The following DAAM1 variants were observed in gnomAD, a reference collection of about 807,000 sequenced individuals.
The protein encoded by DAAM1 is dishevelled associated activator of morphogenesis 1, also known as disheveled-associated activator of morphogenesis 1.
In DAAM1, 52 loss-of-function variants were observed where a neutral mutation model predicts 130.0. The observed-to-expected ratio is 0.40, with a 90% CI of 0.32 to 0.50. The LOEUF (loss-of-function observed/expected upper bound fraction) is 0.50, where lower values mean the gene tolerates loss of function less well. DAAM1 is among the 20% of genes least tolerant of loss of function. The pLI, the probability that DAAM1 is intolerant of heterozygous loss-of-function variation, is 0.61. For missense variants in DAAM1, 1,134 were observed against 1,303.8 expected (o/e 0.87, Z 2.01); for synonymous variants, 452 against 444.5 (o/e 1.02, Z -0.21).
intron 2 of DAAM1, among the ~76,000 whole-genome samples, chr14:59,280,023 A>G (rs918506729): frequency 6.6e-6 from 1 of 152,188 alleles, no homozygotes; most frequent in Non-Finnish European, 1.5e-5. Flanking sequence ...ACGTAAACTA[A>G]AACTGCATTG....
intron 6 of DAAM1, 137 bp downstream of exon 6, chr14:59,323,362 TC>T (rs1392639218): frequency 4.2e-5 from 39 of 925,730 alleles, no homozygotes; most frequent in Non-Finnish European, 8.0e-6. Flanking sequence ...CTTTAAACAT[TC>T]CCTTCTTCTT....
intron 16 of DAAM1, among the ~76,000 whole-genome samples, chr14:59,341,123 G>T (rs73298082): frequency 0.11 from 16,506 of 152,172 alleles, 1,428 homozygotes; most frequent in African/African-American, 0.25. Context: ...TTCTTAGCCA[G>T]ATATGTATTA....
intron 3 of DAAM1, among the ~76,000 whole-genome samples, chr14:59,295,337 T>C (rs973061214): frequency 6.6e-6 from 1 of 152,244 alleles, no homozygotes; most frequent in South Asian, 2.1e-4. Context: ...CTGTCATGGC[T>C]GCAGCTCAGC....
chr14:59,197,408 C>G (rs997004335), intron 1 of DAAM1, among the ~76,000 whole-genome samples: 12 of 152,190 alleles, frequency 7.9e-5, no homozygotes, highest in Non-Finnish European at 1.6e-4. Context: ...GGAGGACATG[C>G]AATAAATAAA....
chr14:59,312,305 T>G (rs1884629804), intron 3 of DAAM1, among the ~76,000 whole-genome samples: 1 of 152,228 alleles, frequency 6.6e-6, no homozygotes, highest in Non-Finnish European at 1.5e-5. Context: ...GAGCGTGTTT[T>G]GTGTATACTC....
intron 14 of DAAM1, 133 bp downstream of exon 14, chr14:59,331,641 C>T: frequency 6.6e-7 from 1 of 1,504,450 alleles, no homozygotes; most frequent in Non-Finnish European, 8.9e-7. Flanking sequence ...CTCACTAGCT[C>T]AGATATTTAA....
At chr14:59,303,544 C>A (rs1165054968) in intron 3 of DAAM1, among the ~76,000 whole-genome samples, 1 of 152,080 alleles carries the variant, frequency 6.6e-6, no homozygotes, top group Non-Finnish European at 1.5e-5. Flanking sequence ...TAGCTCTGAA[C>A]AATTGGGGGT....
chr14:59,360,241 A>T (rs1886650547), intron 21 of DAAM1, among the ~76,000 whole-genome samples: 1 of 152,256 alleles, frequency 6.6e-6, no homozygotes, highest in Admixed American at 6.5e-5. Flanking sequence ...AGTGTTGTGT[A>T]TGGGAGAAGC....
At chr14:59,201,160 CAAAAAA>C (rs71111617) in intron 1 of DAAM1, among the ~76,000 whole-genome samples, 11,493 of 69,042 alleles carry the variant, frequency 0.17, 466 homozygotes, top group Middle Eastern at 0.25. Flanking sequence ...GACTCCGTCT[CAAAAAA>C]AAAAAAAAAA....
rs1356905665 is a variant in DAAM1 at position 59,324,418 on chromosome 14, A to G, written c.953A>G (p.Asp318Gly). 6.9e-6 allele frequency: 11 copies of G among 1,595,610 alleles called. No individual in the cohort carries two copies. The highest frequency in any genetic ancestry group is 9.4e-6 in the Non-Finnish European group (11 of 1,170,940). ...ATGTTAGGAATTCAACCTGTAATAG[A>G]TAAATTAAGGGAACACGAAAATTCA... ...FLMLGIQPVI[D>G]KLREHENSTL... The change falls in exon 8 of 25, where the codon GAT (aspartate) becomes GGT (glycine). Residue 318 changes from aspartate to glycine, a missense_variant. Physicochemically the swap from Asp to Gly is moderately conservative, Grantham distance 94. Transcript: ENST00000360909.
intron 1 of DAAM1, among the ~76,000 whole-genome samples, chr14:59,263,219 T>C (rs1045026883): frequency 6.6e-6 from 1 of 152,174 alleles, no homozygotes; most frequent in African/African-American, 2.4e-5. Context: ...GTTGTCCTGT[T>C]TGCTCAGCAG....
At chr14:59,322,370 AAATTGACTGGG>A (rs1885043383) in intron 5 of DAAM1, among the ~76,000 whole-genome samples, 1 of 152,028 alleles carries the variant, frequency 6.6e-6, no homozygotes, top group African/African-American at 2.4e-5. Context: ...TAAAAAGAAA[AAATTGACTGGG>A]AATGGTGGCA....
Position 59,320,535 on chromosome 14 carries a change from A to T in DAAM1, c.391A>T (p.Ser131Cys), listed in dbSNP as rs891275772. Residue 131 changes from serine (S) to cysteine (C), a missense_variant, in exon 5 of 25, where the codon AGT becomes TGT. Physicochemically the swap from Ser to Cys is moderately radical, Grantham distance 112. Transcript: ENST00000360909. ...AGAGAAGGAAGAAGAAGAAGAAAGA[A>T]GTAAAACTATAGAGAGTTTAAAGAC... ...ALEKEEEEER[S>C]KTIESLKTAL... The T allele has an allele frequency of 1.9e-6, 3 of 1,607,338 alleles. No homozygotes were observed. The highest frequency in any genetic ancestry group is 2.5e-6 in the Non-Finnish European group (3 of 1,177,886).
intron 15 of DAAM1, among the ~76,000 whole-genome samples, chr14:59,334,645 A>G (rs897447949): frequency 6.6e-6 from 1 of 152,228 alleles, no homozygotes; most frequent in Non-Finnish European, 1.5e-5. Context: ...TATAATTTAG[A>G]TGAATACTGA....
At position 59,371,013 on chromosome 14, in the gene DAAM1, G is replaced by A. The variant is rs1466424334; in HGVS notation, c.*2154G>A. The A allele has an allele frequency of 6.6e-6, 1 of 151,682 alleles. No homozygotes were observed. The highest frequency in any genetic ancestry group is 1.5e-5 in the Non-Finnish European group (1 of 67,956). The allele number at this position is 151,682 out of a possible 1,614,324, so 9.4% of individuals were successfully genotyped here. On this transcript the variant is annotated 3_prime_UTR_variant, in exon 25 of 25. Transcript: ENST00000360909. Reference sequence around the variant, plus strand: ...CATCCTCCTTTGATATGGCCATCCTGGTGGGCCTCCTTTGCCATTTCCATT... The same window carrying A: ...CATCCTCCTTTGATATGGCCATCCTAGTGGGCCTCCTTTGCCATTTCCATT...
In DAAM1 at chr14:59,371,096, GAAAA is replaced by G. The variant is rs370426049; in HGVS notation, c.*2246_*2249del. ...TAATTCCATGTGCCATTGTTGAAAAGAAAAAAAAAAAACAAAAAAAAAACCTACT... is the reference window on the plus strand; with the variant it reads ...TAATTCCATGTGCCATTGTTGAAAAGAAAAAAAACAAAAAAAAAACCTACT... On this transcript the variant is annotated 3_prime_UTR_variant, in exon 25 of 25. Transcript: ENST00000360909. The G allele has an allele frequency of 2.2e-5, 2 of 89,082 alleles. No homozygotes were observed. Among genetic ancestry groups the G allele is most frequent in the African/African-American group, 3.2e-5 (1 of 31,560 alleles). 5.5% of individuals were successfully genotyped at this position (89,082 alleles called of 1,614,324 possible).
intron 18 of DAAM1, among the ~76,000 whole-genome samples, chr14:59,353,203 T>G (rs866648436): frequency 6.6e-5 from 10 of 152,334 alleles, no homozygotes; most frequent in Middle Eastern, 6.8e-3. Context: ...TAATTGGGTT[T>G]GGCATATGAG....
chr14:59,249,422 G>A (rs979804930), intron 1 of DAAM1, among the ~76,000 whole-genome samples: 9 of 152,156 alleles, frequency 5.9e-5, no homozygotes, highest in African/African-American at 1.7e-4. Flanking sequence ...CAGATACCAC[G>A]AAACTGCTAA....
chr14:59,209,528 A>C (rs1888364725), intron 1 of DAAM1, among the ~76,000 whole-genome samples: 1 of 152,202 alleles, frequency 6.6e-6, no homozygotes, highest in Non-Finnish European at 1.5e-5. Context: ...TGTACTTTGA[A>C]TACCCATACA....
Sources: gnomAD v4.1 joint callset for allele counts (sites outside exome capture counted in the v4.1 genomes callset) on GRCh38, gnomAD v4.1.1 for gene constraint, MANE v1.5 for transcripts, NCBI Gene and HGNC (gene_info 2026-07-23, HGNC 2026-07-21) for gene names.